Variants in EPHA4 observed in about 807,000 individuals in gnomAD.
EPHA4 encodes EPH receptor A4, also known as ephrin type-A receptor 4.
Under a neutral mutation model 108.3 loss-of-function variants are expected in EPHA4, and 19 were observed. The observed-to-expected ratio is 0.18, with a 90% CI of 0.12 to 0.26. The LOEUF (loss-of-function observed/expected upper bound fraction) is 0.26. EPHA4 is among the 10% of genes least tolerant of loss of function. The pLI is 1.00. For missense variants in EPHA4, 917 were observed against 1,254.0 expected (o/e 0.73, Z 4.06); for synonymous variants, 449 against 455.5 (o/e 0.99, Z 0.18).
At chr2:221,516,352 A>ATTTT (rs10606305) in intron 3 of EPHA4, among the ~76,000 whole-genome samples, 2 of 123,338 alleles carry the variant, frequency 1.6e-5, no homozygotes, top group Non-Finnish European at 3.3e-5. Context: ...AGATTCAATG[A>ATTTT]TTTTTTTTTT....
chr2:221,432,978 C>T lies in EPHA4; in HGVS notation c.2496+1164G>A, dbSNP rs141283112. On this transcript the variant is annotated intron_variant, in intron 14 of 17. Coordinates refer to ENST00000281821, the MANE Select transcript of EPHA4 (RefSeq NM_004438.5). ...TAGCTGGGATTCCAGGCACCCACCA[C>T]TATGCCCGGCTAATTTTTTGTATTT... Among the ~76,000 whole-genome samples the T allele has an allele frequency of 5.9e-3, 893 of 152,140 alleles. 11 individuals carry two copies. The highest frequency in any genetic ancestry group is 0.02 in the African/African-American group (837 of 41,510).
chr2:221,420,633 A>C (rs747598931), intron 17 of EPHA4, 81 bp from the exon 18 acceptor site: 3 of 152,346 alleles, frequency 2.0e-5, no homozygotes, highest in East Asian at 3.9e-4. Context: ...GTAAGAAAGA[A>C]TATATAGGTT....
At chr2:221,545,448 G>A (rs1038100338) in intron 3 of EPHA4, among the ~76,000 whole-genome samples, 6 of 151,958 alleles carry the variant, frequency 3.9e-5, no homozygotes, top group Non-Finnish European at 7.4e-5. Context: ...CAGCCTGGGC[G>A]ACAGAGCAAG....
At chr2:221,547,283 T>C (rs1020342840) in intron 3 of EPHA4, among the ~76,000 whole-genome samples, 1 of 152,246 alleles carries the variant, frequency 6.6e-6, no homozygotes, top group Admixed American at 6.5e-5. Flanking sequence ...AAGTTCATTC[T>C]CATTTTAAGA....
At position 221,566,872 on chromosome 2, in the gene EPHA4, AAGAAGGAGAAGG is replaced by A. The variant is rs1156604295; in HGVS notation, c.159+1834_159+1845del. ...GGAGAAGGAGAAGAAGAAGAAGAAG[AAGAAGGAGAAGG>A]AGAAGGAGAAGGAGAAGGAGAAGGA... On this transcript the variant is annotated intron_variant, in intron 2 of 17. Coordinates refer to ENST00000281821, the MANE Select transcript of EPHA4 (RefSeq NM_004438.5). Among the ~76,000 whole-genome samples, 29 of 41,598 alleles carry A rather than the reference AAGAAGGAGAAGG, an allele frequency of 7.0e-4. 2 individuals carry two copies. Among genetic ancestry groups the A allele is most frequent in the Non-Finnish European group, 7.7e-4 (17 of 21,936 alleles). The allele number at this position is 41,598 out of a possible 152,430, so 27.3% of individuals were successfully genotyped here.
At chr2:221,565,354 G>A (rs544060594) in intron 2 of EPHA4, among the ~76,000 whole-genome samples, 1 of 152,170 alleles carries the variant, frequency 6.6e-6, no homozygotes, top group Non-Finnish European at 1.5e-5. Context: ...CCGAAAAGCA[G>A]CAAAACTTTT....
intron 5 of EPHA4, among the ~76,000 whole-genome samples, chr2:221,474,422 TAAA>T (rs35346087): frequency 6.9e-6 from 1 of 143,932 alleles, no homozygotes. Context: ...GACTGTTTCT[TAAA>T]AAAAAAAAAA....
At chr2:221,426,287 A>C (rs1574552262) in intron 16 of EPHA4, 145 bp from the exon 17 acceptor site, 1 of 1,012,544 alleles carries the variant, frequency 9.9e-7, no homozygotes, top group East Asian at 2.6e-5. Context: ...TTCATTAAGC[A>C]ATTTAATGCA....
chr2:221,486,429 TC>T (rs1691974589), intron 4 of EPHA4, among the ~76,000 whole-genome samples: 4 of 152,112 alleles, frequency 2.6e-5, no homozygotes, highest in Admixed American at 2.6e-4. Context: ...GTATATGTGC[TC>T]CTCAAGAATT....
rs574197034 is a variant in EPHA4, at chr2:221,556,965, G to C, written c.823+6766C>G. On this transcript the variant is annotated intron_variant, in intron 3 of 17. Coordinates refer to ENST00000281821, the MANE Select transcript of EPHA4 (RefSeq NM_004438.5). The stretch of plus-strand genomic sequence containing the variant: ...TCTATTGAGGGTCTTGGAACATATC[G>C]TCCAAAGTTAAAGGGGATCACTGTA... 5.1e-3 allele frequency among the ~76,000 whole-genome samples: 781 copies of C among 152,160 alleles called. 8 individuals are homozygous for C. The highest frequency in any genetic ancestry group is 0.017 in the African/African-American group (724 of 41,504).
chr2:221,491,123 A>G (rs1338102252), intron 4 of EPHA4, among the ~76,000 whole-genome samples: 3 of 151,940 alleles, frequency 2.0e-5, no homozygotes, highest in Non-Finnish European at 4.4e-5. Context: ...TCTCCTCTCC[A>G]GTGATCTTTG....
At chr2:221,549,580 C>T (rs961856787) in intron 3 of EPHA4, among the ~76,000 whole-genome samples, 1 of 152,226 alleles carries the variant, frequency 6.6e-6, no homozygotes, top group African/African-American at 2.4e-5. Flanking sequence ...AACCAGAATT[C>T]TCATTGGCAG....
Position 221,470,357 on chromosome 2 carries a change from G to A in EPHA4, c.1318+11995C>T, listed in dbSNP as rs1355809146. ...GGCGGGGGGGAGAGAGAGAGAGAGA[G>A]AGAGAAACAGGAAGAAGGCCATTGG... On this transcript the variant is annotated intron_variant, in intron 5 of 17. Coordinates refer to ENST00000281821, the MANE Select transcript of EPHA4 (RefSeq NM_004438.5). 6.6e-5 allele frequency among the ~76,000 whole-genome samples: 10 copies of A among 151,910 alleles called. No homozygotes were observed. The East Asian group carries it at 1.8e-3, about 27-fold the overall frequency.
intron 3 of EPHA4, among the ~76,000 whole-genome samples, chr2:221,513,536 G>A (rs2710505): frequency 0.75 from 114,273 of 151,962 alleles, 43,853 homozygotes; most frequent in East Asian, 1. Context: ...ACACACACAA[G>A]AAGCAGAACC....
chr2:221,566,932 GA>G (rs1694672449), intron 2 of EPHA4, among the ~76,000 whole-genome samples: 1 of 25,172 alleles, frequency 4.0e-5, no homozygotes, highest in South Asian at 9.1e-4. Context: ...GAAGGAGAAG[GA>G]GAAGGAGAAG....
intron 3 of EPHA4, among the ~76,000 whole-genome samples, chr2:221,544,887 C>T (rs1273128168): frequency 1.3e-5 from 2 of 152,268 alleles, no homozygotes; most frequent in East Asian, 3.9e-4. Context: ...AAAAAGACCA[C>T]GTGAGGACAG....
chr2:221,550,329 A>G (rs940205656), intron 3 of EPHA4, among the ~76,000 whole-genome samples: 1 of 152,006 alleles, frequency 6.6e-6, no homozygotes, highest in Non-Finnish European at 1.5e-5. Context: ...GTTCTCATGC[A>G]CATTAACATT....
chr2:221,428,697 C>T (rs188572197), intron 15 of EPHA4, among the ~76,000 whole-genome samples: 149 of 152,284 alleles, frequency 9.8e-4, no homozygotes, highest in African/African-American at 3.4e-3. Flanking sequence ...CAAGAAATAG[C>T]CTCACAATAG....
At chr2:221,564,599 G>A (rs1414721657) in intron 2 of EPHA4, among the ~76,000 whole-genome samples, 1 of 151,172 alleles carries the variant, frequency 6.6e-6, no homozygotes, top group African/African-American at 2.4e-5. Flanking sequence ...TTGTTTAATT[G>A]TTTCAATCTT....
Sources: allele counts gnomAD v4.1 joint callset (sites outside exome capture counted in the v4.1 genomes callset), GRCh38; gene constraint gnomAD v4.1.1; transcripts MANE v1.5; gene names NCBI Gene and HGNC (gene_info 2026-07-23, HGNC 2026-07-21).